TRARG1: variants seen among roughly 807,000 people sequenced by gnomAD.
TRARG1 encodes the protein trafficking regulator of GLUT4 (SLC2A4) 1 (gene/pseudogene), also known as trafficking regulator of GLUT4 1.
A neutral mutation model predicts 13.3 loss-of-function variants in TRARG1; 16 were observed. The ratio of observed to expected loss-of-function variants is 1.20; its 90% confidence interval spans 0.81 to 1.83. The LOEUF (loss-of-function observed/expected upper bound fraction) is 1.83. Among genes scored for constraint, TRARG1 ranks in the 40% most tolerant of loss-of-function variants. TRARG1 has a pLI of 0.00. For missense variants in TRARG1, 250 were observed against 237.4 expected, an observed-to-expected ratio of 1.05 and a Z score of -0.35; for synonymous variants, 113 against 106.2, an observed-to-expected ratio of 1.06 and a Z score of -0.39.
intron 1 of TRARG1, among the ~76,000 whole-genome samples, chr17:1,292,169 AAAAACAAAAC>A (rs143762295): frequency 9.3e-5 from 14 of 150,902 alleles, no homozygotes; most frequent in South Asian, 4.2e-4. Context: ...ACTCCATCTC[AAAAACAAAAC>A]AAAACAAAAC....
intron 1 of TRARG1, among the ~76,000 whole-genome samples, chr17:1,288,644 T>C (rs181571208): frequency 0.13 from 2,508 of 18,642 alleles, 209 homozygotes; most frequent in East Asian, 0.28. Context: ...GGGTTCCCCA[T>C]CCCCCTCCAG....
chr17:1,292,731 G>T (rs1445384752), intron 1 of TRARG1, among the ~76,000 whole-genome samples: 1 of 152,180 alleles, frequency 6.6e-6, no homozygotes, highest in East Asian at 1.9e-4. Flanking sequence ...AGTCTTCCCT[G>T]ATTCTCCCCT....
intron 2 of TRARG1, among the ~76,000 whole-genome samples, chr17:1,297,251 C>G (rs1241446420): frequency 6.6e-6 from 1 of 152,090 alleles, no homozygotes; most frequent in African/African-American, 2.4e-5. Context: ...GACTCCCAGC[C>G]CAACCGTCAA....
intron 1 of TRARG1, among the ~76,000 whole-genome samples, chr17:1,282,039 CACAT>C (rs1427468512): frequency 7.6e-6 from 1 of 132,116 alleles, no homozygotes; most frequent in East Asian, 2.4e-4. Context: ...CATATATACA[CACAT>C]ATGTACACAT....
At chr17:1,282,697 T>G (rs1308098856) in intron 1 of TRARG1, among the ~76,000 whole-genome samples, 2 of 145,500 alleles carry the variant, frequency 1.4e-5, no homozygotes, top group African/African-American at 2.6e-5. Flanking sequence ...AGGTTTTGTT[T>G]TGTTTTATTT....
At chr17:1,293,587 T>TGGGTTGGGTTTGATGATGTCAC (rs2072089572) in intron 1 of TRARG1, among the ~76,000 whole-genome samples, 2 of 41,104 alleles carry the variant, frequency 4.9e-5, no homozygotes, top group Admixed American at 4.7e-4. Flanking sequence ...GATGATGTCG[T>TGGGTTGGGTTTGATGATGTCAC]GGGTTGAGTT....
intron 1 of TRARG1, among the ~76,000 whole-genome samples, chr17:1,284,022 G>C (rs899955940): frequency 6.6e-6 from 1 of 152,026 alleles, no homozygotes; most frequent in Non-Finnish European, 1.5e-5. Context: ...GGCTGAGGCA[G>C]GAGAATGGCG....
intron 2 of TRARG1, 92 bp from the exon 3 acceptor site, chr17:1,298,159 C>G: frequency 6.5e-7 from 1 of 1,544,972 alleles, no homozygotes; most frequent in East Asian, 2.2e-5. Flanking sequence ...CCACTTCCCA[C>G]TGGGAACCAG....
At chr17:1,294,523 A>G (rs1272985056) in intron 1 of TRARG1, among the ~76,000 whole-genome samples, 2 of 141,158 alleles carry the variant, frequency 1.4e-5, no homozygotes, top group Admixed American at 1.5e-4. Context: ...CTGGAGTGCA[A>G]TGGCGCAATC....
chr17:1,294,360 C>A (rs1188215420), intron 1 of TRARG1, among the ~76,000 whole-genome samples: 2 of 152,122 alleles, frequency 1.3e-5, no homozygotes, highest in Non-Finnish European at 2.9e-5. Flanking sequence ...GTCCTGGTCT[C>A]CCCAGGCAAC....
At chr17:1,283,999 C>T (rs2072002614) in intron 1 of TRARG1, among the ~76,000 whole-genome samples, 1 of 151,820 alleles carries the variant, frequency 6.6e-6, no homozygotes, top group African/African-American at 2.4e-5. Context: ...CCTGTAGTCC[C>T]AGCTACTCAG....
rs375341457 is a variant in TRARG1 at position 1,282,263 on chromosome 17, T to C, written c.387+1875T>C. Among the ~76,000 whole-genome samples the C allele has an allele frequency of 7.4e-3, 922 of 123,908 alleles. 24 individuals carry two copies. Among genetic ancestry groups the C allele is most frequent in the African/African-American group, 0.031 (734 of 23,378 alleles). The allele number at this position is 123,908 out of a possible 152,430, so 81.3% of individuals were successfully genotyped here. A position where few individuals can be genotyped will look rare whatever the true frequency, so the allele number is the denominator to read the frequency against. On this transcript the variant is annotated intron_variant, in intron 1 of 2. Coordinates refer to ENST00000333813, the MANE Select transcript of TRARG1 (RefSeq NM_172367.3). ...ATATGCACGTATATGTACGTATATGTACATATATGCACGTATATGTACATA... is the reference window on the plus strand; with the variant it reads ...ATATGCACGTATATGTACGTATATGCACATATATGCACGTATATGTACATA...
At chr17:1,297,592 CTTTTTTTTTT>C (rs35978298) in intron 2 of TRARG1, among the ~76,000 whole-genome samples, 2 of 97,928 alleles carry the variant, frequency 2.0e-5, no homozygotes, top group South Asian at 3.6e-4. Flanking sequence ...TTAGCCAGGA[CTTTTTTTTTT>C]TTTTTTTTTT....
At chr17:1,288,404 C>A (rs1157971203) in intron 1 of TRARG1, among the ~76,000 whole-genome samples, 2 of 102,808 alleles carry the variant, frequency 1.9e-5, no homozygotes, top group African/African-American at 7.6e-5. Context: ...CCCACAGGTT[C>A]CCCAACCCCC....
At chr17:1,294,276 G>C (rs1238686748) in intron 1 of TRARG1, among the ~76,000 whole-genome samples, 4 of 151,994 alleles carry the variant, frequency 2.6e-5, no homozygotes, top group Non-Finnish European at 5.9e-5. Context: ...GTTGAACTAG[G>C]TTCAGGAAGA....
rs190978473 is a variant in TRARG1 at position 1,285,565 on chromosome 17, C to T, written c.387+5177C>T. ...ACTAAAAATACAAAAATTAGCCGGGCGTGGTGGCGCACGCCTGTAATCTCA... is the reference window on the plus strand; with the variant it reads ...ACTAAAAATACAAAAATTAGCCGGGTGTGGTGGCGCACGCCTGTAATCTCA... On this transcript the variant is annotated intron_variant, in intron 1 of 2. Transcript: ENST00000333813. Among the ~76,000 whole-genome samples, 984 of 152,192 alleles carry T rather than the reference C, an allele frequency of 6.5e-3. 13 individuals are homozygous for T. Among genetic ancestry groups the T allele is most frequent in the African/African-American group, 0.022 (931 of 41,520 alleles).
intron 2 of TRARG1, among the ~76,000 whole-genome samples, chr17:1,296,209 T>C (rs2072109432): frequency 6.6e-6 from 1 of 152,210 alleles, no homozygotes; most frequent in Non-Finnish European, 1.5e-5. Flanking sequence ...ATTAACTTTA[T>C]TTTTGAGATG....
chr17:1,296,833 T>TG (rs1232086008), intron 2 of TRARG1, among the ~76,000 whole-genome samples: 1 of 149,706 alleles, frequency 6.7e-6, no homozygotes, highest in Non-Finnish European at 1.5e-5. Context: ...TTAGTAGAGA[T>TG]GGGGTTGCAT....
intron 1 of TRARG1, among the ~76,000 whole-genome samples, chr17:1,295,064 G>A (rs2072100890): frequency 6.6e-6 from 1 of 152,288 alleles, no homozygotes; most frequent in South Asian, 2.1e-4. Context: ...TGTAGGAAGA[G>A]CCCAGGGGCT....
Sources: gnomAD v4.1 joint callset for allele counts (sites outside exome capture counted in the v4.1 genomes callset) on GRCh38, gnomAD v4.1.1 for gene constraint, MANE v1.5 for transcripts, NCBI Gene and HGNC (gene_info 2026-07-23, HGNC 2026-07-21) for gene names.